DPP6: variants seen among roughly 807,000 people sequenced by gnomAD.
The protein encoded by DPP6 is dipeptidyl peptidase like 6.
DPP6 carries 69 observed loss-of-function variants against 122.6 expected under a neutral mutation model. That is an observed-to-expected ratio of 0.56 (90% CI 0.46 to 0.69). DPP6 has a LOEUF of 0.69. Ranked by LOEUF, DPP6 falls within the 30% of genes least tolerant of loss-of-function variation. DPP6 has a pLI of 0.00. For synonymous variants in DPP6, 418 were observed against 433.1 expected (o/e 0.97, Z 0.43); for missense variants, 928 against 1,116.9 (o/e 0.83, Z 2.41).
chr7:154,626,897 C>T (rs1334980239), intron 5 of DPP6, among the ~76,000 whole-genome samples: 2 of 150,384 alleles, frequency 1.3e-5, no homozygotes, highest in Non-Finnish European at 2.9e-5. Flanking sequence ...CTTCGGTTTA[C>T]ATGGAGCTAT....
In DPP6 at chr7:154,599,708, C is replaced by T. The variant is rs1395315188; in HGVS notation, c.627+32792C>T. On this transcript the variant is annotated intron_variant, in intron 5 of 25. Transcript: ENST00000377770. The stretch of plus-strand genomic sequence containing the variant: ...ATGACAGGCCCTGGTGTGTGATGTT[C>T]CCCACCCTGTGTCCAAGTGTTCTCA... Among the ~76,000 whole-genome samples the T allele has an allele frequency of 2.5e-4, 37 of 149,438 alleles. No homozygotes were observed. In the Admixed American group the frequency reaches 2.5e-3, roughly 10 times the overall value.
intron 3 of DPP6, among the ~76,000 whole-genome samples, chr7:154,535,191 C>CT (rs1828140208): frequency 6.6e-6 from 1 of 152,086 alleles, no homozygotes; most frequent in African/African-American, 2.4e-5. Flanking sequence ...AACGTTGCTG[C>CT]TTGTTACATA....
chr7:154,766,164 A>G (rs1345467843), intron 8 of DPP6, among the ~76,000 whole-genome samples: 1 of 152,186 alleles, frequency 6.6e-6, no homozygotes, highest in East Asian at 1.9e-4. Context: ...CTAGTTTTGT[A>G]CGGCTGGCAT....
At chr7:154,655,535 AG>A (rs1837182076) in intron 6 of DPP6, among the ~76,000 whole-genome samples, 1 of 152,252 alleles carries the variant, frequency 6.6e-6, no homozygotes, top group Admixed American at 6.5e-5. Flanking sequence ...AAAGTGAAGG[AG>A]GGCCACTACA....
At chr7:154,341,523 T>C (rs1206018122) in intron 1 of DPP6, among the ~76,000 whole-genome samples, 2 of 152,024 alleles carry the variant, frequency 1.3e-5, no homozygotes, top group Non-Finnish European at 1.5e-5. Flanking sequence ...CTTTACTTCT[T>C]GACTGTCCAA....
At chr7:154,198,146 A>C (rs542798275) in intron 1 of DPP6, among the ~76,000 whole-genome samples, 3 of 152,098 alleles carry the variant, frequency 2.0e-5, no homozygotes, top group African/African-American at 7.2e-5. Context: ...ATCCTGCTTG[A>C]TGTGTAGATA....
At chr7:154,796,417 T>C (rs1798053619) in intron 12 of DPP6, among the ~76,000 whole-genome samples, 1 of 152,232 alleles carries the variant, frequency 6.6e-6, no homozygotes, top group Non-Finnish European at 1.5e-5. Context: ...CTCTAGGAAC[T>C]TGAGACCAAA....
rs765806927 is a variant in DPP6 at position 154,848,326 on chromosome 7, C to T, written c.1667-5454C>T. ...GGTTTCCTTTTCTCCACATGCTTGC[C>T]GACACTTGTTAGCTTTTTTTTCTTT... is the stretch of plus-strand genomic sequence containing the variant. On this transcript the variant is annotated intron_variant, in intron 16 of 25. Transcript: ENST00000377770. 2.9e-5 allele frequency among the ~76,000 whole-genome samples: 4 copies of T among 139,626 alleles called. 1 individual carries two copies. The South Asian group carries it at 6.9e-4, about 24-fold the overall frequency. 91.6% of individuals were successfully genotyped at this position (139,626 alleles called of 152,430 possible). A position where few individuals can be genotyped will look rare whatever the true frequency, so the allele number is the denominator to read the frequency against.
chr7:154,572,510 C>CTTTTTTTTTTTTTTTTT (rs77816407), intron 5 of DPP6, among the ~76,000 whole-genome samples: 14 of 86,144 alleles, frequency 1.6e-4, no homozygotes, highest in Non-Finnish European at 1.8e-4. Flanking sequence ...TTTTTCTTTT[C>CTTTTTTTTTTTTTTTTT]TTTTTTTTTT....
At chr7:154,606,881 T>C (rs1833600959) in intron 5 of DPP6, among the ~76,000 whole-genome samples, 1 of 121,794 alleles carries the variant, frequency 8.2e-6, no homozygotes, top group Admixed American at 9.1e-5. Flanking sequence ...CACATACTTA[T>C]AGACTGTACA....
intron 1 of DPP6, among the ~76,000 whole-genome samples, chr7:154,083,191 G>GGTTAGTTGTT (rs1804157901): frequency 6.6e-6 from 1 of 151,968 alleles, no homozygotes; most frequent in African/African-American, 2.4e-5. Context: ...GTGAGGAGTC[G>GGTTAGTTGTT]GTTAGTTGTT....
At chr7:153,909,904 A>G (rs1254763527) in intron 1 of DPP6, among the ~76,000 whole-genome samples, 1 of 152,106 alleles carries the variant, frequency 6.6e-6, no homozygotes, top group Non-Finnish European at 1.5e-5. Flanking sequence ...CACTGCACCC[A>G]GACAGGTTTT....
intron 1 of DPP6, among the ~76,000 whole-genome samples, chr7:153,894,737 C>T (rs1799337289): frequency 6.6e-6 from 1 of 152,198 alleles, no homozygotes; most frequent in Admixed American, 6.5e-5. Context: ...GATTCCACTG[C>T]TTCAAAATGC....
intron 17 of DPP6, among the ~76,000 whole-genome samples, chr7:154,854,823 A>C (rs1166957102): frequency 6.6e-6 from 1 of 152,178 alleles, no homozygotes; most frequent in Non-Finnish European, 1.5e-5. Context: ...GCTGAGAAGC[A>C]AAGAGAACTC....
At chr7:154,865,427 C>T (rs1272049126) in intron 17 of DPP6, 1 of 152,224 alleles carries the variant, frequency 6.6e-6, no homozygotes, top group Non-Finnish European at 1.5e-5. Flanking sequence ...TGGTCTCCTA[C>T]AATAAGCTGG....
intron 14 of DPP6, among the ~76,000 whole-genome samples, chr7:154,804,608 G>C (rs148676174): frequency 1.6e-3 from 248 of 152,298 alleles, no homozygotes; most frequent in African/African-American, 5.7e-3. Flanking sequence ...GAGTGATCTT[G>C]TAAAAGATTT....
At chr7:154,538,734 A>G (rs188911668) in intron 3 of DPP6, among the ~76,000 whole-genome samples, 10 of 152,360 alleles carry the variant, frequency 6.6e-5, no homozygotes, top group Admixed American at 3.3e-4. Context: ...AATTTGCTAT[A>G]TAAGGGCAAC....
At chr7:153,858,211 G>C in the DPP6 span, among the ~76,000 whole-genome samples, 1 of 152,146 alleles carries the variant, frequency 6.6e-6, no homozygotes, top group East Asian at 1.9e-4. Flanking sequence ...GAGTTAGAGT[G>C]AGCTCATTAA....
chr7:154,867,744 G>A (rs1484240774), intron 17 of DPP6, among the ~76,000 whole-genome samples: 2 of 152,188 alleles, frequency 1.3e-5, no homozygotes, highest in Non-Finnish European at 2.9e-5. Flanking sequence ...TCTGGTGGGG[G>A]AAGGAGAAAG....
Sources: allele counts gnomAD v4.1 joint callset (sites outside exome capture counted in the v4.1 genomes callset), GRCh38; gene constraint gnomAD v4.1.1; transcripts MANE v1.5; gene names NCBI Gene and HGNC (gene_info 2026-07-23, HGNC 2026-07-21).